The following GBF1 variants were observed in gnomAD, a reference collection of about 807,000 sequenced individuals.
GBF1 encodes the protein golgi brefeldin A resistant guanine nucleotide exchange factor 1, also known as Golgi-specific brefeldin A-resistance guanine nucleotide exchange factor 1.
In GBF1, 114 loss-of-function variants were observed where a neutral mutation model predicts 210.5. That is an observed-to-expected ratio of 0.54 (90% CI 0.47 to 0.63). The LOEUF is 0.63. Among genes scored for constraint, GBF1 ranks in the 30% least tolerant of loss-of-function variants. GBF1 has a pLI of 0.00. For missense variants in GBF1, 1,851 were observed against 2,357.7 expected (o/e 0.79, Z 4.45); for synonymous variants, 850 against 889.2 (o/e 0.96, Z 0.78).
intron 3 of GBF1, among the ~76,000 whole-genome samples, chr10:102,306,367 T>C (rs1430119866): frequency 1.3e-5 from 2 of 152,230 alleles, no homozygotes. Flanking sequence ...GCTCTATTTA[T>C]TAATGCTCTT....
intron 3 of GBF1, among the ~76,000 whole-genome samples, chr10:102,318,650 C>T (rs1412332762): frequency 6.6e-6 from 1 of 152,070 alleles, no homozygotes; most frequent in Non-Finnish European, 1.5e-5. Context: ...TTTAAAAAGT[C>T]AAATTGTGCT....
At chr10:102,294,359 G>T (rs1353537747) in intron 3 of GBF1, among the ~76,000 whole-genome samples, 1 of 150,988 alleles carries the variant, frequency 6.6e-6, no homozygotes, top group Non-Finnish European at 1.5e-5. Context: ...CCCAGCACAG[G>T]GTTGCCATTT....
At chr10:102,359,489 C>A in intron 11 of GBF1, 54 bp downstream of exon 11, 2 of 1,341,700 alleles carry the variant, frequency 1.5e-6, no homozygotes, top group Non-Finnish European at 2.1e-6. Context: ...ACCTACTAAG[C>A]TGCCTGAGCC....
intron 4 of GBF1, among the ~76,000 whole-genome samples, chr10:102,346,679 T>A (rs1449508390): frequency 6.6e-6 from 1 of 152,160 alleles, no homozygotes; most frequent in Non-Finnish European, 1.5e-5. Context: ...AGCTAGTTTT[T>A]GTACTTTTAG....
intron 3 of GBF1, among the ~76,000 whole-genome samples, chr10:102,280,802 G>A (rs1299416297): frequency 1.3e-5 from 2 of 152,160 alleles, no homozygotes; most frequent in African/African-American, 4.8e-5. Context: ...AGGACCATGT[G>A]GCAGGAGTGC....
At chr10:102,235,680 T>C in the GBF1 span, among the ~76,000 whole-genome samples, 1 of 152,168 alleles carries the variant, frequency 6.6e-6, no homozygotes, top group African/African-American at 2.4e-5. Flanking sequence ...GAGCTGGGCA[T>C]TGAGTTAGGC....
intron 3 of GBF1, among the ~76,000 whole-genome samples, chr10:102,320,452 A>T (rs1344031112): frequency 6.6e-6 from 1 of 152,188 alleles, no homozygotes; most frequent in African/African-American, 2.4e-5. Context: ...TTGGGAAATG[A>T]TCTTATATTA....
At chr10:102,275,800 G>C (rs1226107007) in intron 3 of GBF1, among the ~76,000 whole-genome samples, 1 of 152,196 alleles carries the variant, frequency 6.6e-6, no homozygotes, top group Non-Finnish European at 1.5e-5. Context: ...AAAGTTCTTG[G>C]TTCAGTCCAC....
intron 3 of GBF1, among the ~76,000 whole-genome samples, chr10:102,305,240 ATAATAT>A (rs2077750964): frequency 6.6e-6 from 1 of 150,812 alleles, no homozygotes; most frequent in Admixed American, 6.6e-5. Context: ...CCTCAGTGAA[ATAATAT>A]TAAGAGGTGA....
Position 102,365,416 on chromosome 10 carries a change from A to G in GBF1, c.2126A>G (p.Glu709Gly). The change falls in exon 18 of 40, where the codon GAG becomes GGG. Residue 709 changes from glutamate to glycine, a missense_variant. By Grantham distance (98) the Glu-to-Gly change is moderately conservative. Around this residue, in one of 3 missense-constraint regions of GBF1, gnomAD observed 804 missense variants for 958.6 expected, o/e 0.84. Transcript: ENST00000369983. Reference sequence around the variant, plus strand: ...ATGCAGCTGCTAATCACTGGCACAGAGCAGTTCAATCAGAAACCAAAGAAG... The same window carrying G: ...ATGCAGCTGCTAATCACTGGCACAGGGCAGTTCAATCAGAAACCAAAGAAG... The part of the protein sequence containing the change: ...NKKKLLITGT[E>G]QFNQKPKKGI... 6.2e-7 allele frequency: 1 copy of G among 1,614,028 alleles called. No homozygotes were observed. Among genetic ancestry groups the G allele is most frequent in the Non-Finnish European group, 8.5e-7 (1 of 1,179,886 alleles).
chr10:102,243,790 G>A (rs1329117806), upstream of GBF1, among the ~76,000 whole-genome samples: 1 of 152,190 alleles, frequency 6.6e-6, no homozygotes, highest in African/African-American at 2.4e-5. Context: ...GGTGTAGGAA[G>A]TTACTGAGGG....
At chr10:102,263,444 AG>A (rs1361434568) in intron 3 of GBF1, among the ~76,000 whole-genome samples, 1 of 151,980 alleles carries the variant, frequency 6.6e-6, no homozygotes, top group African/African-American at 2.4e-5. Context: ...TTTTTTGCAA[AG>A]GGTTTCTGTT....
Position 102,365,465 on chromosome 10 carries a change from A to T in GBF1, c.2175A>T (p.Lys725Asn). The change falls in exon 18 of 40, where the codon AAA (lysine) becomes AAT (asparagine). Residue 725 changes from lysine to asparagine, a missense_variant. This residue lies in a region of GBF1 where 804 missense variants were observed against 958.6 expected (regional missense o/e 0.84). Coordinates refer to ENST00000369983, the MANE Select transcript of GBF1 (RefSeq NM_001377137.1). ...PKKGIQFLQE[K>N]GLLTIPMDNT... ...AGGGGATTCAGTTTCTGCAAGAGAA[A>T]GGCCTCCTCACCATCCCAATGGACA... The T allele has an allele frequency of 6.2e-7, 1 of 1,614,032 alleles. No homozygotes were observed. Among genetic ancestry groups the T allele is most frequent in the Non-Finnish European group, 8.5e-7 (1 of 1,179,844 alleles).
At chr10:102,280,130 AAG>A (rs57985048) in intron 3 of GBF1, among the ~76,000 whole-genome samples, 75 of 149,812 alleles carry the variant, frequency 5.0e-4, no homozygotes, top group South Asian at 3.4e-3. Flanking sequence ...CTTAAAAAAA[AAG>A]AGAGAGAGAG....
chr10:102,286,876 C>T (rs2075993866), intron 3 of GBF1, among the ~76,000 whole-genome samples: 1 of 151,400 alleles, frequency 6.6e-6, no homozygotes, highest in Non-Finnish European at 1.5e-5. Flanking sequence ...CTTACAGTGG[C>T]TGCCTTGTAT....
At chr10:102,333,982 G>A (rs962261960) in intron 3 of GBF1, among the ~76,000 whole-genome samples, 19 of 152,190 alleles carry the variant, frequency 1.2e-4, no homozygotes, top group African/African-American at 4.6e-4. Flanking sequence ...ATACAGAAAT[G>A]TTAGAGGGGT....
At chr10:102,283,650 A>G (rs2075703726) in intron 3 of GBF1, among the ~76,000 whole-genome samples, 1 of 152,224 alleles carries the variant, frequency 6.6e-6, no homozygotes, top group Non-Finnish European at 1.5e-5. Context: ...AACAATTTGA[A>G]AGAGAAATAT....
intron 3 of GBF1, among the ~76,000 whole-genome samples, chr10:102,289,546 G>A (rs546877216): frequency 6.6e-6 from 1 of 152,280 alleles, no homozygotes; most frequent in East Asian, 1.9e-4. Flanking sequence ...GCAACATAGT[G>A]AGACCCTATC....
Position 102,358,591 on chromosome 10 carries a change from C to T in GBF1, c.873C>T (p.Asp291=). The T allele has an allele frequency of 6.2e-7, 1 of 1,613,742 alleles. No individual in the cohort carries two copies. Among genetic ancestry groups the T allele is most frequent in the African/African-American group, 1.3e-5 (1 of 75,034 alleles). ...AASAVVSPST[D]SGLEFSSQTT... is the part of the protein sequence containing the mutation. ...CAGCAGTGGTCAGTCCCTCTACAGA[C>T]AGTGGCCTGGAATTCTCCTCCCAAA... The change falls in exon 10 of 40, where the codon GAC becomes GAT. Residue 291 remains aspartate (D), a synonymous_variant. Transcript: ENST00000369983.
Sources: gnomAD v4.1 joint callset for allele counts (sites outside exome capture counted in the v4.1 genomes callset) on GRCh38, gnomAD v4.1.1 for gene constraint, gnomAD v4.1.1 regional missense constraint, MANE v1.5 for transcripts, NCBI Gene and HGNC (gene_info 2026-07-23, HGNC 2026-07-21) for gene names.